Variants in WNT2B observed in about 807,000 individuals in gnomAD.
The protein encoded by WNT2B is protein Wnt-2b.
A neutral mutation model predicts 40.5 loss-of-function variants in WNT2B; 19 were observed. That is an observed-to-expected ratio of 0.47 (90% CI 0.33 to 0.69). The LOEUF (loss-of-function observed/expected upper bound fraction) is 0.69, where lower values mean the gene tolerates loss of function less well. Among genes scored for constraint, WNT2B ranks in the 30% least tolerant of loss-of-function variants. The pLI, the probability that WNT2B is intolerant of heterozygous loss-of-function variation, is 0.02. For missense variants in WNT2B, 467 were observed against 556.4 expected (o/e 0.84, Z 1.62); for synonymous variants, 220 against 211.9 (o/e 1.04, Z -0.33).
intron 1 of WNT2B, among the ~76,000 whole-genome samples, chr1:112,484,874 A>G (rs990056534): frequency 6.6e-6 from 1 of 152,244 alleles, no homozygotes; most frequent in Non-Finnish European, 1.5e-5. Flanking sequence ...CTTATACACA[A>G]AAACTACAAG....
chr1:112,523,839 G>T lies in WNT2B; in HGVS notation c.*3330G>T, dbSNP rs964168712. 6.6e-6 allele frequency: 1 copy of T among 152,102 alleles called. No individual in the cohort carries two copies. Among genetic ancestry groups the T allele is most frequent in the Non-Finnish European group, 1.5e-5 (1 of 68,014 alleles). The allele number at this position is 152,102 out of a possible 1,614,324, so 9.4% of individuals were successfully genotyped here. A position where few individuals can be genotyped will look rare whatever the true frequency, so the allele number is the denominator to read the frequency against. ...ATGACTGAAGTACCTCAGCTGCGCA[G>T]CCTGTAGCCAGTTTTTTTAATGTAA... is the stretch of plus-strand genomic sequence containing the variant. On this transcript the variant is annotated 3_prime_UTR_variant, in exon 5 of 5. Coordinates refer to ENST00000369684, the MANE Select transcript of WNT2B (RefSeq NM_024494.3).
intron 1 of WNT2B, among the ~76,000 whole-genome samples, chr1:112,479,655 G>A (rs1651160841): frequency 6.6e-6 from 1 of 152,138 alleles, no homozygotes; most frequent in Non-Finnish European, 1.5e-5. Context: ...CAGGGGTGCA[G>A]GGATGGAGAG....
At chr1:112,507,191 GTAAC>G (rs1440070285), upstream of WNT2B, among the ~76,000 whole-genome samples, 1 of 152,134 alleles carries the variant, frequency 6.6e-6, no homozygotes, top group Non-Finnish European at 1.5e-5. Flanking sequence ...AGTTGCAACT[GTAAC>G]CATCCCCTTG....
At position 112,509,483 on chromosome 1, in the gene WNT2B, G is replaced by A; in HGVS notation, c.182+39G>A. 1 of 1,532,192 alleles carries A rather than the reference G, an allele frequency of 6.5e-7. No homozygotes were observed. 94.9% of individuals were successfully genotyped at this position (1,532,192 alleles called of 1,614,324 possible). Reference sequence around the variant, plus strand: ...TCAGGCTGGGCGGGTGAGGCGCTTGGTAGGAGAGGCCGGAGGCGCCTGGAG... The same window carrying A: ...TCAGGCTGGGCGGGTGAGGCGCTTGATAGGAGAGGCCGGAGGCGCCTGGAG... On this transcript the variant is annotated intron_variant, in intron 1 of 4. Transcript: ENST00000369684. The surrounding 1 kb of genome is among the most constrained non-coding windows in gnomAD (Gnocchi z 4.2).
chr1:112,508,943 C>A (rs1047700966), upstream of WNT2B: 1 of 1,182,168 alleles, frequency 8.5e-7, no homozygotes, highest in Non-Finnish European at 1.0e-6. The surrounding 1 kb of genome is among the most constrained non-coding windows in gnomAD (Gnocchi z 4.2). Context: ...CCAATGAGAG[C>A]CCGCGGCCGA....
intron 1 of WNT2B, among the ~76,000 whole-genome samples, chr1:112,499,373 A>C (rs970645761): frequency 6.6e-6 from 1 of 152,242 alleles, no homozygotes; most frequent in Non-Finnish European, 1.5e-5. Flanking sequence ...TCAGACTAAT[A>C]TCTCTCATGA....
In WNT2B at chr1:112,525,755, G is replaced by A. The variant is rs1653284207; in HGVS notation, c.*5246G>A. On this transcript the variant is annotated 3_prime_UTR_variant, in exon 5 of 5. Coordinates refer to ENST00000369684, the MANE Select transcript of WNT2B (RefSeq NM_024494.3). Reference sequence around the variant, plus strand: ...TCAACCCCAACAGCCCCTGTAAGTAGCCCTGGCCAAACAGAAAGGCTAAGC... The same window carrying A: ...TCAACCCCAACAGCCCCTGTAAGTAACCCTGGCCAAACAGAAAGGCTAAGC... 2.6e-6 allele frequency: 1 copy of A among 380,700 alleles called. No homozygotes were observed. The highest frequency in any genetic ancestry group is 3.9e-5 in the Admixed American group (1 of 25,474). The allele number at this position is 380,700 out of a possible 1,614,324, so 23.6% of individuals were successfully genotyped here.
chr1:112,526,329 ACTC>A lies in WNT2B; in HGVS notation c.*5823_*5825del, dbSNP rs1347336617. ...TTAAACAACTCTGGCTCCTAATTCT[ACTC>A]CTTTTTTCCCCTTCAGATTAACATT... On this transcript the variant is annotated 3_prime_UTR_variant, in exon 5 of 5. Transcript: ENST00000369684. 1.4e-4 allele frequency: 65 copies of A among 462,576 alleles called. No individual in the cohort carries two copies. In the East Asian group the frequency reaches 2.0e-3, roughly 15 times the overall value. The allele number at this position is 462,576 out of a possible 1,614,324, so 28.7% of individuals were successfully genotyped here.
chr1:112,514,637 G>A lies in WNT2B; in HGVS notation c.183-237G>A, dbSNP rs2101088122. On this transcript the variant is annotated intron_variant, in intron 1 of 4. Coordinates refer to ENST00000369684, the MANE Select transcript of WNT2B (RefSeq NM_024494.3). ...GGAGTGTATGTCACTTTGGCCTTTG[G>A]CTGGGGAACTGGTGATGGTGGGAGG... is the stretch of plus-strand genomic sequence containing the variant. The A allele has an allele frequency of 5.3e-6, 3 of 569,118 alleles. No individual in the cohort carries two copies. The Admixed American group carries it at 9.0e-5, about 17-fold the overall frequency. The allele number at this position is 569,118 out of a possible 1,614,324, so 35.3% of individuals were successfully genotyped here.
intron 1 of WNT2B, among the ~76,000 whole-genome samples, chr1:112,500,685 T>C (rs923822307): frequency 6.6e-6 from 1 of 152,154 alleles, no homozygotes; most frequent in East Asian, 1.9e-4. Flanking sequence ...GGAGGGAAGA[T>C]GGCTTGAGCC....
At chr1:112,499,810 T>C (rs2101072560) in intron 1 of WNT2B, among the ~76,000 whole-genome samples, 1 of 152,352 alleles carries the variant, frequency 6.6e-6, no homozygotes, top group Admixed American at 6.5e-5. Context: ...TTTCTAATCA[T>C]CCAACAATCA....
intron 1 of WNT2B, among the ~76,000 whole-genome samples, chr1:112,484,290 T>TATACACACATATATATATATATAC (rs1294363726): frequency 7.9e-6 from 1 of 126,050 alleles, no homozygotes; most frequent in Non-Finnish European, 1.6e-5. Flanking sequence ...TATATATATA[T>TATACACACATATATATATATATAC]ACACACACAT....
rs527677424 is a variant in WNT2B at position 112,515,378 on chromosome 1, C to T, written c.403+284C>T. ...CATTTTCCTTGTCCTCCCCAATCCC[C>T]AGCTTGGGAGGCTACCATGTACTGT... On this transcript the variant is annotated intron_variant, in intron 2 of 4. Coordinates refer to ENST00000369684, the MANE Select transcript of WNT2B (RefSeq NM_024494.3). This position sits in a 1 kb window ranked among gnomAD's most constrained non-coding sequence, Gnocchi z 4.4. Among the ~76,000 whole-genome samples the T allele has an allele frequency of 5.9e-5, 9 of 152,314 alleles. No homozygotes were observed. The highest frequency in any genetic ancestry group is 1.9e-4 in the African/African-American group (8 of 41,564).
In WNT2B at chr1:112,524,099, C is replaced by G. The variant is rs1424192582; in HGVS notation, c.*3590C>G. 1 of 152,356 alleles carries G rather than the reference C, an allele frequency of 6.6e-6. No homozygotes were observed. Among genetic ancestry groups the G allele is most frequent in the African/African-American group, 2.4e-5 (1 of 41,380 alleles). 9.4% of individuals were successfully genotyped at this position (152,356 alleles called of 1,614,324 possible). On this transcript the variant is annotated 3_prime_UTR_variant, in exon 5 of 5. Transcript: ENST00000369684. Reference sequence around the variant, plus strand: ...AGATCTAATTTCTGAACACTCACTGCTTCATTTCTATTCCTCCTGTTGCAG... The same window carrying G: ...AGATCTAATTTCTGAACACTCACTGGTTCATTTCTATTCCTCCTGTTGCAG...
chr1:112,478,000 AAGGCAGG>A lies in WNT2B; in HGVS notation c.-95+10413_-95+10419del, dbSNP rs542038164. Among the ~76,000 whole-genome samples, 421 of 152,310 alleles carry A rather than the reference AAGGCAGG, an allele frequency of 2.8e-3. 2 individuals carry two copies. Among genetic ancestry groups the A allele is most frequent in the Non-Finnish European group, 4.7e-3 (321 of 68,020 alleles). On this transcript the variant is annotated intron_variant, in intron 1 of 4. Coordinates refer to the WNT2B transcript ENST00000256640. ...TGTAACCCTAGCACATTGGGAGGCC[AAGGCAGG>A]AGGATCACTTGAGCCCAGGAGTTCA... is the stretch of plus-strand genomic sequence containing the variant.
At chr1:112,472,480 T>C (rs1650909358) in intron 1 of WNT2B, among the ~76,000 whole-genome samples, 1 of 151,862 alleles carries the variant, frequency 6.6e-6, no homozygotes, top group Non-Finnish European at 1.5e-5. Flanking sequence ...TCAAAGAGTC[T>C]TCAGAGTTTT....
In WNT2B at chr1:112,509,485, A is replaced by G. The variant is rs761986023; in HGVS notation, c.182+41A>G. On this transcript the variant is annotated intron_variant, in intron 1 of 4. Transcript: ENST00000369684. This position sits in a 1 kb window ranked among gnomAD's most constrained non-coding sequence, Gnocchi z 4.2. ...AGGCTGGGCGGGTGAGGCGCTTGGT[A>G]GGAGAGGCCGGAGGCGCCTGGAGGG... The G allele has an allele frequency of 1.3e-6, 2 of 1,530,646 alleles. No individual in the cohort carries two copies. Among genetic ancestry groups the G allele is most frequent in the South Asian group, 2.5e-5 (2 of 81,430 alleles). The allele number at this position is 1,530,646 out of a possible 1,614,324, so 94.8% of individuals were successfully genotyped here. A position where few individuals can be genotyped will look rare whatever the true frequency, so the allele number is the denominator to read the frequency against.
intron 1 of WNT2B, among the ~76,000 whole-genome samples, chr1:112,480,910 T>TTGGGA (rs1400563726): frequency 6.6e-6 from 1 of 152,218 alleles, no homozygotes. Context: ...GGCTCACACC[T>TTGGGA]GTAATCCCAG....
chr1:112,525,904 T>C lies in WNT2B; in HGVS notation c.*5395T>C. 6.9e-7 allele frequency: 1 copy of C among 1,452,304 alleles called. No individual in the cohort carries two copies. The highest frequency in any genetic ancestry group is 1.4e-5 in the South Asian group (1 of 71,836). 90.0% of individuals were successfully genotyped at this position (1,452,304 alleles called of 1,614,324 possible). A position where few individuals can be genotyped will look rare whatever the true frequency, so the allele number is the denominator to read the frequency against. ...TTTTCATATGCAAAATGCTTTAGCA[T>C]ATATGTAATCCTCACAACAACCCTG... On this transcript the variant is annotated 3_prime_UTR_variant, in exon 5 of 5. Transcript: ENST00000369684.
Sources: gnomAD v4.1 joint callset for allele counts (sites outside exome capture counted in the v4.1 genomes callset) on GRCh38, gnomAD v4.1.1 for gene constraint, Gnocchi (gnomAD v3.1) non-coding constraint, MANE v1.5 for transcripts, NCBI Gene and HGNC (gene_info 2026-07-23, HGNC 2026-07-21) for gene names.